MECOM: variants seen among roughly 807,000 people sequenced by gnomAD.
The protein encoded by MECOM is MDS1 and EVI1 complex locus, also known as histone-lysine N-methyltransferase MECOM.
MECOM carries 13 observed loss-of-function variants against 116.3 expected under a neutral mutation model. The ratio of observed to expected loss-of-function variants is 0.11; its 90% CI spans 0.07 to 0.18. The LOEUF (loss-of-function observed/expected upper bound fraction) is 0.18. Among genes scored for constraint, MECOM ranks in the 10% least tolerant of loss-of-function variants. The pLI, the probability that MECOM is intolerant of heterozygous loss-of-function variation, is 1.00. For synonymous variants in MECOM, 528 were observed against 535.2 expected (o/e 0.99, Z 0.19); for missense variants, 1,299 against 1,509.0 (o/e 0.86, Z 2.31).
At chr3:169,286,445 C>T (rs1355967169) in intron 2 of MECOM, among the ~76,000 whole-genome samples, 3 of 152,156 alleles carry the variant, frequency 2.0e-5, no homozygotes, top group Admixed American at 2.0e-4. Context: ...AATACCTTCC[C>T]TTCTTGTAAC....
At chr3:169,149,180 C>T (rs1278140611) in intron 2 of MECOM, among the ~76,000 whole-genome samples, 2 of 150,038 alleles carry the variant, frequency 1.3e-5, no homozygotes, top group African/African-American at 4.9e-5. Flanking sequence ...TTTTATGATG[C>T]ATTGTGTATT....
At chr3:169,210,343 A>G (rs116674533) in intron 2 of MECOM, among the ~76,000 whole-genome samples, 2,990 of 152,268 alleles carry the variant, frequency 0.02, 120 homozygotes, top group African/African-American at 0.069. Context: ...GAACTTAAAG[A>G]AAAATAAAAA....
intron 2 of MECOM, among the ~76,000 whole-genome samples, chr3:169,360,035 G>A (rs1560173518): frequency 6.6e-6 from 1 of 151,572 alleles, no homozygotes; most frequent in African/African-American, 2.4e-5. Flanking sequence ...AACTGGTCTT[G>A]CCCTTCAAGT....
intron 5 of MECOM, among the ~76,000 whole-genome samples, chr3:169,125,592 G>A (rs1320810485): frequency 1.3e-5 from 2 of 152,010 alleles, no homozygotes; most frequent in African/African-American, 4.8e-5. Flanking sequence ...ACTCCATATT[G>A]TTCCATAGTA....
At chr3:169,418,055 T>G (rs1418004679) in intron 1 of MECOM, among the ~76,000 whole-genome samples, 8 of 149,386 alleles carry the variant, frequency 5.4e-5, no homozygotes, top group African/African-American at 2.0e-4. Flanking sequence ...CATGTATACA[T>G]ATGTAACTAA....
intron 2 of MECOM, among the ~76,000 whole-genome samples, chr3:169,361,996 C>A (rs1005026191): frequency 1.3e-5 from 2 of 151,836 alleles, no homozygotes; most frequent in African/African-American, 4.8e-5. Flanking sequence ...GAGAGAGATG[C>A]ACCTATCAAA....
At chr3:169,332,297 G>A (rs1006485131) in intron 2 of MECOM, among the ~76,000 whole-genome samples, 5 of 152,054 alleles carry the variant, frequency 3.3e-5, no homozygotes, top group African/African-American at 9.7e-5. Flanking sequence ...CTTGCCCTTC[G>A]AAGGCTTATT....
rs142126080 is a variant in MECOM at position 169,619,693 on chromosome 3, G to C, written c.37+43643C>G. On this transcript the variant is annotated intron_variant, in intron 1 of 16. Coordinates refer to ENST00000651503, the MANE Select transcript of MECOM (RefSeq NM_004991.4). The stretch of plus-strand genomic sequence containing the variant: ...ATCAAGTGTCTCCTCCACCCCCAGG[G>C]TTCAGTGACTACCAAAGAAATATCT... Among the ~76,000 whole-genome samples, 424 of 152,130 alleles carry C rather than the reference G, an allele frequency of 2.8e-3. 1 individual carries two copies. Among genetic ancestry groups the C allele is most frequent in the Middle Eastern group, 0.017 (5 of 294 alleles).
rs541337236 is a variant in MECOM at position 169,166,318 on chromosome 3, G to T, written c.376-22486C>A. On this transcript the variant is annotated intron_variant, in intron 2 of 16. Coordinates refer to ENST00000651503, the MANE Select transcript of MECOM (RefSeq NM_004991.4). ...CGGGGAGTGCGTTGCTTATTTTCAG[G>T]ACTCTAGCCTTCTCAAAGGTGCTAA... 9.2e-5 allele frequency among the ~76,000 whole-genome samples: 14 copies of T among 152,160 alleles called. 1 individual carries two copies. Among genetic ancestry groups the T allele is most frequent in the Non-Finnish European group, 1.6e-4 (11 of 68,016 alleles).
rs146067200 is a variant in MECOM, at chr3:169,548,920, G to A, written c.37+114416C>T. The stretch of plus-strand genomic sequence containing the variant: ...CTGATACCTAGAGAGCTTAAATAAC[G>A]TGGGTATTCCATAACTGGGCCATAA... On this transcript the variant is annotated intron_variant, in intron 1 of 16. Transcript: ENST00000651503. 7.7e-3 allele frequency among the ~76,000 whole-genome samples: 1,164 copies of A among 151,474 alleles called. 22 individuals are homozygous for A. Among genetic ancestry groups the A allele is most frequent in the African/African-American group, 0.027 (1,109 of 41,280 alleles).
At position 169,143,690 on chromosome 3, in the gene MECOM, C is replaced by A; in HGVS notation, c.510+8G>T. 1 of 1,587,110 alleles carries A rather than the reference C, an allele frequency of 6.3e-7. No homozygotes were observed. On this transcript the variant is annotated splice_region_variant and intron_variant, in intron 3 of 16. Transcript: ENST00000651503. ...TCAAGGAAAGACAAGAAAATCTTTA[C>A]AACATACCTGATCATTTATCTGGCA...
intron 2 of MECOM, among the ~76,000 whole-genome samples, chr3:169,227,651 C>T (rs1406418123): frequency 6.6e-6 from 1 of 152,136 alleles, no homozygotes; most frequent in Non-Finnish European, 1.5e-5. Flanking sequence ...TGGACACAAA[C>T]TTTTGCCCAA....
intron 1 of MECOM, among the ~76,000 whole-genome samples, chr3:169,661,108 G>A (rs963598471): frequency 1.3e-4 from 20 of 152,158 alleles, no homozygotes; most frequent in Admixed American, 1.3e-3. Flanking sequence ...ATTTTAAGAC[G>A]GCATCGTATG....
At chr3:169,445,238 C>T (rs1174603863) in intron 1 of MECOM, among the ~76,000 whole-genome samples, 1 of 152,152 alleles carries the variant, frequency 6.6e-6, no homozygotes, top group Non-Finnish European at 1.5e-5. Flanking sequence ...CAGCCCCTCC[C>T]ATCACAGGCC....
chr3:169,251,968 A>G (rs1431269533), intron 2 of MECOM, among the ~76,000 whole-genome samples: 2 of 152,194 alleles, frequency 1.3e-5, no homozygotes, highest in African/African-American at 4.8e-5. Flanking sequence ...TACCCATTGT[A>G]TAGTTTTTAG....
intron 8 of MECOM, among the ~76,000 whole-genome samples, chr3:169,114,005 C>T (rs1263228111): frequency 6.6e-6 from 1 of 151,888 alleles, no homozygotes; most frequent in African/African-American, 2.4e-5. Context: ...AAGAGGAATG[C>T]TAGTAGGTGA....
rs539610155 is a variant in MECOM at position 169,293,335 on chromosome 3, A to G, written c.375+87852T>C. Among the ~76,000 whole-genome samples, 4 of 152,228 alleles carry G rather than the reference A, an allele frequency of 2.6e-5. No homozygotes were observed. In the South Asian group the frequency reaches 8.3e-4, roughly 32 times the overall value. ...TCACATTCAGTCCAAACTCCTCACC[A>G]TGGCCTTTGAGGCCCTTCCTCTCTG... On this transcript the variant is annotated intron_variant, in intron 2 of 16. Coordinates refer to ENST00000651503, the MANE Select transcript of MECOM (RefSeq NM_004991.4).
chr3:169,273,492 T>A (rs1274879604), intron 2 of MECOM, among the ~76,000 whole-genome samples: 2 of 152,088 alleles, frequency 1.3e-5, no homozygotes, highest in African/African-American at 2.4e-5. Context: ...ACCTCCCCCA[T>A]CAACACTAAA....
At chr3:169,531,931 G>A (rs56836041) in intron 1 of MECOM, among the ~76,000 whole-genome samples, 7,669 of 152,228 alleles carry the variant, frequency 0.05, 405 homozygotes, top group East Asian at 0.3. Flanking sequence ...AAAGGATCTG[G>A]GTTCACAATC....
Sources: gnomAD v4.1 joint callset for allele counts (sites outside exome capture counted in the v4.1 genomes callset) on GRCh38, gnomAD v4.1.1 for gene constraint, MANE v1.5 for transcripts, NCBI Gene and HGNC (gene_info 2026-07-23, HGNC 2026-07-21) for gene names.